Variants in RNF212B observed in about 807,000 individuals in gnomAD.
RNF212B encodes E3 ubiquitin-protein ligase RNF212B.
A neutral mutation model predicts 55.5 loss-of-function variants in RNF212B; 52 were observed. The observed-to-expected ratio is 0.94, with a 90% CI of 0.75 to 1.18. The LOEUF is 1.18. RNF212B is among the 50% of genes most tolerant of loss of function. The pLI is 0.00. For synonymous variants in RNF212B, 99 were observed against 121.4 expected (o/e 0.82, Z 1.21); for missense variants, 289 against 350.4 (o/e 0.82, Z 1.40).
chr14:23,239,469 G>A (rs892416889), intron 1 of RNF212B, among the ~76,000 whole-genome samples: 1 of 152,062 alleles, frequency 6.6e-6, no homozygotes, highest in Non-Finnish European at 1.5e-5. Flanking sequence ...GATAAAATGT[G>A]TCCCAAGTGG....
intron 1 of RNF212B, among the ~76,000 whole-genome samples, chr14:23,193,022 G>A (rs1168490374): frequency 1.3e-5 from 2 of 150,058 alleles, no homozygotes; most frequent in Non-Finnish European, 3.0e-5. Flanking sequence ...AACCTGGGAG[G>A]TGGAGGTTGC....
chr14:23,245,870 T>C (rs755534345), intron 4 of RNF212B, among the ~76,000 whole-genome samples: 24 of 152,224 alleles, frequency 1.6e-4, no homozygotes, highest in Non-Finnish European at 2.9e-4. Context: ...TTTTGCTTAT[T>C]GTTCTCTTTT....
chr14:23,259,940 TA>T lies in RNF212B; in HGVS notation c.404del (p.Lys135ArgfsTer132). 1 of 1,456,538 alleles carries T rather than the reference TA, an allele frequency of 6.9e-7. No homozygotes were observed. Among genetic ancestry groups the T allele is most frequent in the Non-Finnish European group, 9.3e-7 (1 of 1,077,582 alleles). The allele number at this position is 1,456,538 out of a possible 1,614,324, so 90.2% of individuals were successfully genotyped here. The stretch of plus-strand genomic sequence containing the variant: ...GAACTGAAGAAATTTCTAGCCATTC[TA>T]AAGGTGAATGAAATAGATTTTCCTT... ...NGELKKFLAI[L>X]KESPSRYQGS... is the part of the protein sequence containing the mutation. On this transcript the variant is annotated frameshift_variant, in exon 6 of 15. Transcript: ENST00000430154. LOFTEE classifies it high-confidence loss of function.
chr14:23,195,590 T>G (rs1185024182), intron 2 of RNF212B, among the ~76,000 whole-genome samples: 1 of 152,174 alleles, frequency 6.6e-6, no homozygotes, highest in East Asian at 1.9e-4. Context: ...ACTCATTTCG[T>G]GTGCTCAGTA....
At chr14:23,255,421 G>A (rs1053504896) in intron 4 of RNF212B, among the ~76,000 whole-genome samples, 6 of 152,194 alleles carry the variant, frequency 3.9e-5, no homozygotes, top group Non-Finnish European at 7.3e-5. Flanking sequence ...GGAGATAAAG[G>A]AAAGGAATCA....
At chr14:23,240,047 A>G (rs1883449935) in intron 1 of RNF212B, among the ~76,000 whole-genome samples, 1 of 151,042 alleles carries the variant, frequency 6.6e-6, no homozygotes, top group South Asian at 2.1e-4. Flanking sequence ...AAAAAAAAAA[A>G]TCTCACCACT....
chr14:23,212,231 T>C (rs1388487582), intron 2 of RNF212B, among the ~76,000 whole-genome samples: 2 of 152,210 alleles, frequency 1.3e-5, no homozygotes, highest in East Asian at 1.9e-4. Flanking sequence ...AACACAAGGA[T>C]GTCTGCCTTC....
At chr14:23,215,100 C>T (rs112322139) in intron 2 of RNF212B, among the ~76,000 whole-genome samples, 9 of 152,180 alleles carry the variant, frequency 5.9e-5, no homozygotes, top group South Asian at 2.1e-4. Context: ...TTGGATCATG[C>T]GGGCAGTTTC....
intron 13 of RNF212B, 82 bp downstream of exon 13, chr14:23,270,042 A>G: frequency 1.2e-6 from 1 of 828,340 alleles, no homozygotes; most frequent in Non-Finnish European, 2.0e-6. Context: ...AGATGACAAG[A>G]TGTTGAGGTT....
At chr14:23,237,662 G>A (rs2031267153), upstream of RNF212B, among the ~76,000 whole-genome samples, 2 of 152,140 alleles carry the variant, frequency 1.3e-5, no homozygotes, top group Non-Finnish European at 2.9e-5. Context: ...ACATTAATTA[G>A]GTTTTATTTT....
intron 2 of RNF212B, chr14:23,230,031 A>G: frequency 4.7e-6 from 1 of 211,318 alleles, no homozygotes. Flanking sequence ...ATCAGTTTTC[A>G]TCCAAATCCA....
upstream of RNF212B, among the ~76,000 whole-genome samples, chr14:23,235,486 G>A (rs1479440752): frequency 6.6e-6 from 1 of 152,138 alleles, no homozygotes; most frequent in East Asian, 1.9e-4. Flanking sequence ...TTAGGTATTT[G>A]GTAGGCATTT....
At chr14:23,187,890 C>T (rs941595436) in intron 1 of RNF212B, among the ~76,000 whole-genome samples, 1 of 151,586 alleles carries the variant, frequency 6.6e-6, no homozygotes, top group East Asian at 1.9e-4. Flanking sequence ...GATGCCTTTA[C>T]TTCATTAGAA....
At chr14:23,198,428 T>C (rs949651612) in intron 2 of RNF212B, among the ~76,000 whole-genome samples, 46 of 152,094 alleles carry the variant, frequency 3.0e-4, no homozygotes, top group African/African-American at 1.1e-3. Flanking sequence ...GCCTGAAATC[T>C]GAGCACTTTG....
At chr14:23,264,020 G>A (rs1447089622) in intron 9 of RNF212B, among the ~76,000 whole-genome samples, 154 bp from the exon 10 acceptor site, 3 of 152,122 alleles carry the variant, frequency 2.0e-5, no homozygotes, top group African/African-American at 7.2e-5. Flanking sequence ...CCCAGGATGC[G>A]GAGGCTGCAG....
chr14:23,263,045 T>C (rs1885415234), intron 9 of RNF212B, 75 bp downstream of exon 9: 9 of 1,327,706 alleles, frequency 6.8e-6, no homozygotes, highest in East Asian at 5.0e-5. Flanking sequence ...GTAGCTCAGA[T>C]TGGGACTGAT....
At chr14:23,269,713 A>C in intron 12 of RNF212B, 150 bp from the exon 13 acceptor site, 2 of 369,144 alleles carry the variant, frequency 5.4e-6, no homozygotes, top group Non-Finnish European at 9.8e-6. Flanking sequence ...CCCTGTCTCA[A>C]AAAAAAAAAA....
intron 3 of RNF212B, among the ~76,000 whole-genome samples, chr14:23,243,589 G>C (rs1007295041): frequency 4.1e-4 from 62 of 150,826 alleles, no homozygotes; most frequent in African/African-American, 1.5e-3. Flanking sequence ...CCAGCAGCTT[G>C]GGAGGCTGAG....
At chr14:23,257,218 T>C (rs1002091123) in intron 4 of RNF212B, among the ~76,000 whole-genome samples, 1 of 152,178 alleles carries the variant, frequency 6.6e-6, no homozygotes, top group Admixed American at 6.5e-5. Context: ...GGTCTTGCTA[T>C]GTTGCTTAGG....
Sources: allele counts gnomAD v4.1 joint callset (sites outside exome capture counted in the v4.1 genomes callset), GRCh38; gene constraint gnomAD v4.1.1; transcripts MANE v1.5; gene names NCBI Gene and HGNC (gene_info 2026-07-23, HGNC 2026-07-21).